APBB3: variants seen among roughly 807,000 people sequenced by gnomAD.
APBB3 encodes the protein amyloid beta precursor protein binding family B member 3.
Under a neutral mutation model 61.5 loss-of-function variants are expected in APBB3, and 50 were observed. That is an observed-to-expected ratio of 0.81 (90% CI 0.65 to 1.03). APBB3 has a LOEUF of 1.03. Ranked by LOEUF, APBB3 falls within the 50% of genes least tolerant of loss-of-function variation. The pLI is 0.00. For synonymous variants in APBB3, 235 were observed against 233.0 expected (o/e 1.01, Z -0.08); for missense variants, 550 against 637.4 (o/e 0.86, Z 1.48).
intron 12 of APBB3, among the ~76,000 whole-genome samples, chr5:140,559,098 G>C (rs1341420457): frequency 2.0e-5 from 3 of 152,190 alleles, no homozygotes; most frequent in African/African-American, 7.2e-5. Flanking sequence ...AGAGGAAATT[G>C]AGATTCAGAG....
At position 140,564,147 on chromosome 5, in the gene APBB3, C is replaced by T; in HGVS notation, c.49+50G>A. Reference sequence around the variant, plus strand: ...GCCCCAGAGTAGCCTTTCGGATTCCCTCGTCCTCCCTCAGCTCCTGGTCTT... The same window carrying T: ...GCCCCAGAGTAGCCTTTCGGATTCCTTCGTCCTCCCTCAGCTCCTGGTCTT... On this transcript the variant is annotated intron_variant, in intron 1 of 12. Coordinates refer to ENST00000357560, the MANE Select transcript of APBB3 (RefSeq NM_133173.3). This position sits in a 1 kb window ranked among gnomAD's most constrained non-coding sequence, Gnocchi z 5.0. 5 of 1,612,676 alleles carry T rather than the reference C, an allele frequency of 3.1e-6. No homozygotes were observed. The highest frequency in any genetic ancestry group is 4.2e-6 in the Non-Finnish European group (5 of 1,179,128).
rs188587692 is a variant in APBB3 at position 140,563,062 on chromosome 5, T to C, written c.291-339A>G. Among the ~76,000 whole-genome samples the C allele has an allele frequency of 4.6e-4, 70 of 152,292 alleles. 1 individual carries two copies. The highest frequency in any genetic ancestry group is 6.8e-3 in the Middle Eastern group (2 of 294). On this transcript the variant is annotated intron_variant, in intron 3 of 12. Transcript: ENST00000357560. The stretch of plus-strand genomic sequence containing the variant: ...GATATCGAGACCATCCTGGCCAACA[T>C]GGTGAAACCCCATATCTACTAAAAA...
chr5:140,561,536 C>T, intron 8 of APBB3, 51 bp downstream of exon 8: 1 of 1,613,514 alleles, frequency 6.2e-7, no homozygotes, highest in Non-Finnish European at 8.5e-7. Context: ...ACCTTGGAAG[C>T]TTCAGACCCA....
chr5:140,562,021 G>C (rs1754980966), intron 6 of APBB3, 79 bp downstream of exon 6: 1 of 1,612,654 alleles, frequency 6.2e-7, no homozygotes, highest in Non-Finnish European at 8.5e-7. Context: ...CAAGTACTGG[G>C]GATCAGCATC....
chr5:140,562,358 C>T lies in APBB3; in HGVS notation c.493G>A (p.Gly165Ser). 1 of 1,613,984 alleles carries T rather than the reference C, an allele frequency of 6.2e-7. No individual in the cohort carries two copies. The highest frequency in any genetic ancestry group is 8.5e-7 in the Non-Finnish European group (1 of 1,179,924). The change falls in exon 5 of 13, where the codon GGT becomes AGT. Residue 165 changes from glycine (G) to serine (S), a missense_variant. By Grantham distance (56) the Gly-to-Ser change is moderately conservative (BLOSUM62 0). Transcript: ENST00000357560. Reference sequence around the variant, plus strand: ...AAAGGGCCCAGCCAACTCACCTCACCCCAGGCACCATCTGGAGGCTGGCTC... The same window carrying T: ...AAAGGGCCCAGCCAACTCACCTCACTCCAGGCACCATCTGGAGGCTGGCTC... Reference protein sequence around the residue: ...SRSQPPDGAWGEGQNMLMILK... With the variant: ...SRSQPPDGAWSEGQNMLMILK...
Position 140,558,829 on chromosome 5 carries a change from G to A in APBB3, c.1225-8C>T, listed in dbSNP as rs1581402983. ...ACACTTCTGGTACTGAACCTAGGGA[G>A]AAGGGGAATGTGAGGATCCAGCTAC... is the stretch of plus-strand genomic sequence containing the variant. On this transcript the variant is annotated splice_region_variant and splice_polypyrimidine_tract_variant and intron_variant, in intron 12 of 12. Transcript: ENST00000357560. 2 of 1,610,894 alleles carry A rather than the reference G, an allele frequency of 1.2e-6. No individual in the cohort carries two copies. Among genetic ancestry groups the A allele is most frequent in the East Asian group, 4.5e-5 (2 of 44,868 alleles).
chr5:140,561,017 C>T lies in APBB3; in HGVS notation c.916+1G>A, dbSNP rs1386469922. 10 of 1,612,550 alleles carry T rather than the reference C, an allele frequency of 6.2e-6. No homozygotes were observed. Among genetic ancestry groups the T allele is most frequent in the African/African-American group, 1.3e-5 (1 of 75,060 alleles). ...CCACATGCAGCCCCCTCAGTCCTCA[C>T]CCATGGCCTTGGTGACTGGCAGTGT... On this transcript the variant is annotated splice_donor_variant, in intron 10 of 12. Transcript: ENST00000357560. LOFTEE classifies it high-confidence loss of function.
Position 140,558,745 on chromosome 5 carries a change from C to T in APBB3, c.1301G>A (p.Arg434Gln), listed in dbSNP as rs746337320. The stretch of plus-strand genomic sequence containing the variant: ...ATCCATGGAGCTGGTCCGCTTGAGC[C>T]GCAGGCGGGCACGGGCCTGGGCACC... ...AWGAQARARL[R>Q]LKRTSSMDSP... Residue 434 changes from arginine (R) to glutamine (Q), a missense_variant, in exon 13 of 13, where the codon CGG (arginine) becomes CAG (glutamine). Coordinates refer to ENST00000357560, the MANE Select transcript of APBB3 (RefSeq NM_133173.3). 6.5e-5 allele frequency: 105 copies of T among 1,606,140 alleles called. No homozygotes were observed. The highest frequency in any genetic ancestry group is 8.6e-5 in the Non-Finnish European group (101 of 1,177,972).
Position 140,560,752 on chromosome 5 carries a change from T to C in APBB3, c.919A>G (p.Met307Val), listed in dbSNP as rs149049800. Residue 307 changes from methionine to valine, a missense_variant and splice_region_variant, in exon 11 of 13, where the codon ATG (methionine) becomes GTG (valine). Met to Val is a conservative substitution (Grantham distance 21, BLOSUM62 1). Around this residue, in one of 3 missense-constraint regions of APBB3, gnomAD observed 405 missense variants for 483.4 expected, o/e 0.84. Transcript: ENST00000357560. This position sits in a 1 kb window ranked among gnomAD's most constrained non-coding sequence, Gnocchi z 5.1. The part of the protein sequence containing the change: ...GTLPVTKAMG[M>V]DVLNEAIGTL... ...CCAATGGCCTCGTTCAGCACATCCA[T>C]GCCTGGGGGAACATACCCAGCGTGT... 69 of 1,613,776 alleles carry C rather than the reference T, an allele frequency of 4.3e-5. No individual in the cohort carries two copies. In the Middle Eastern group the frequency reaches 1.5e-3, roughly 35 times the overall value.
rs1290930246 is a variant in APBB3 at position 140,564,221 on chromosome 5, C to T, written c.25G>A (p.Ala9Thr). The change falls in exon 1 of 13, where the codon GCC becomes ACC. Residue 9 changes from alanine to threonine, a missense_variant. Around this residue, in one of 3 missense-constraint regions of APBB3, gnomAD observed 405 missense variants for 483.4 expected, o/e 0.84. Coordinates refer to ENST00000357560, the MANE Select transcript of APBB3 (RefSeq NM_133173.3). The surrounding 1 kb of genome is among the most constrained non-coding windows in gnomAD (Gnocchi z 5.0). MLGKDYMLAIILVNCDDDL... is the reference protein window; with the variant it reads MLGKDYMLTIILVNCDDDL... The stretch of plus-strand genomic sequence containing the variant: ...CCATCGCAGTTGACCAGAATGATGG[C>T]CAGCATGTAATCCTTGCCCAGCATA... The T allele has an allele frequency of 6.2e-7, 1 of 1,613,560 alleles. No individual in the cohort carries two copies. Among genetic ancestry groups the T allele is most frequent in the South Asian group, 1.1e-5 (1 of 91,082 alleles).
chr5:140,563,847 C>T lies in APBB3; in HGVS notation c.118G>A (p.Asp40Asn), dbSNP rs1262718156. 11 of 1,614,064 alleles carry T rather than the reference C, an allele frequency of 6.8e-6. No homozygotes were observed. Among genetic ancestry groups the T allele is most frequent in the Non-Finnish European group, 7.6e-6 (9 of 1,180,046 alleles). Residue 40 changes from aspartate (D) to asparagine (N), a missense_variant, in exon 2 of 13, where the codon GAT becomes AAT. Coordinates refer to ENST00000357560, the MANE Select transcript of APBB3 (RefSeq NM_133173.3). Reference protein sequence around the residue: ...GLPPGWRKIHDAAGTYYWHVP... With the variant: ...GLPPGWRKIHNAAGTYYWHVP... ...TGCCAGTAGTAAGTACCTGCAGCAT[C>T]GTGGATCTTCCTCCAGCCAGGAGGC...
intron 3 of APBB3, among the ~76,000 whole-genome samples, chr5:140,563,177 G>A (rs545067813): frequency 2.5e-4 from 38 of 152,276 alleles, no homozygotes; most frequent in African/African-American, 8.9e-4. Flanking sequence ...CCTGGGAGGC[G>A]GAGGTTGCAG....
chr5:140,562,898 T>C, intron 3 of APBB3, 175 bp from the exon 4 acceptor site: 1 of 627,164 alleles, frequency 1.6e-6, no homozygotes, highest in Non-Finnish European at 2.8e-6. Flanking sequence ...AAAGTGTGAC[T>C]CAGAATTTGA....
chr5:140,562,806 G>A, intron 3 of APBB3, 83 bp from the exon 4 acceptor site: 2 of 1,371,622 alleles, frequency 1.5e-6, no homozygotes, highest in Middle Eastern at 1.8e-4. Flanking sequence ...GATAAGCACA[G>A]GATGAGGGGC....
Position 140,563,602 on chromosome 5 carries a change from C to G in APBB3, c.282G>C (p.Leu94=). 6.2e-7 allele frequency: 1 copy of G among 1,614,214 alleles called. No individual in the cohort carries two copies. Among genetic ancestry groups the G allele is most frequent in the Non-Finnish European group, 8.5e-7 (1 of 1,180,034 alleles). Residue 94 remains leucine (L), a synonymous_variant, in exon 3 of 13, where the codon CTG becomes CTC. Coordinates refer to ENST00000357560, the MANE Select transcript of APBB3 (RefSeq NM_133173.3). ...CCTGGGCCACCCGTTACCTCCGGTC[C>G]AGTGAACTCTCCAGGCTGGAGAAGG... The part of the protein sequence containing the change: ...GRSFSSLESS[L]DRSNSLSWYG...
At position 140,560,878 on chromosome 5, in the gene APBB3, A is replaced by G; in HGVS notation, c.917-124T>C. On this transcript the variant is annotated intron_variant, in intron 10 of 12. Coordinates refer to ENST00000357560, the MANE Select transcript of APBB3 (RefSeq NM_133173.3). The surrounding 1 kb of genome is among the most constrained non-coding windows in gnomAD (Gnocchi z 5.1). ...TAGGATAGCTGGGGCAAGCCTTAGA[A>G]TTCTGATTTGGGAAGGCTGGTAGAC... The G allele has an allele frequency of 1.4e-6, 2 of 1,383,754 alleles. No homozygotes were observed. Among genetic ancestry groups the G allele is most frequent in the Non-Finnish European group, 2.0e-6 (2 of 992,550 alleles). The allele number at this position is 1,383,754 out of a possible 1,614,324, so 85.7% of individuals were successfully genotyped here. A position where few individuals can be genotyped will look rare whatever the true frequency, so the allele number is the denominator to read the frequency against.
chr5:140,559,406 A>G (rs1225225757), intron 12 of APBB3, among the ~76,000 whole-genome samples: 4 of 152,066 alleles, frequency 2.6e-5, no homozygotes, highest in Non-Finnish European at 5.9e-5. Flanking sequence ...TCTTTTACCC[A>G]TACTATAGCT....
intron 9 of APBB3, 129 bp from the exon 10 acceptor site, chr5:140,561,230 C>G: frequency 6.9e-7 from 1 of 1,445,586 alleles, no homozygotes; most frequent in Non-Finnish European, 9.7e-7. Flanking sequence ...GCTCCTCCAA[C>G]TAGTGGCTTG....
At position 140,564,078 on chromosome 5, in the gene APBB3, GCCCCCTGGT is replaced by G; in HGVS notation, c.49+110_49+118del. On this transcript the variant is annotated intron_variant, in intron 1 of 12. Coordinates refer to ENST00000357560, the MANE Select transcript of APBB3 (RefSeq NM_133173.3). This position sits in a 1 kb window ranked among gnomAD's most constrained non-coding sequence, Gnocchi z 5.0. ...TCACATGTAAAGACCGGGTTCATTC[GCCCCCTGGT>G]CCCTACACAGAGAGGTATCCCCCAC... 6.7e-7 allele frequency: 1 copy of G among 1,483,664 alleles called. No individual in the cohort carries two copies. Among genetic ancestry groups the G allele is most frequent in the East Asian group, 2.4e-5 (1 of 42,374 alleles). The allele number at this position is 1,483,664 out of a possible 1,614,324, so 91.9% of individuals were successfully genotyped here. A position where few individuals can be genotyped will look rare whatever the true frequency, so the allele number is the denominator to read the frequency against.
Sources: gnomAD v4.1 joint callset for allele counts (sites outside exome capture counted in the v4.1 genomes callset) on GRCh38, gnomAD v4.1.1 for gene constraint, gnomAD v4.1.1 regional missense constraint, Gnocchi (gnomAD v3.1) non-coding constraint, MANE v1.5 for transcripts, NCBI Gene and HGNC (gene_info 2026-07-23, HGNC 2026-07-21) for gene names.